KCNQ1: variants seen among roughly 807,000 people sequenced by gnomAD.
The protein encoded by KCNQ1 is potassium voltage-gated channel subfamily KQT member 1.
A neutral mutation model predicts 72.4 loss-of-function variants in KCNQ1; 49 were observed. That is an observed-to-expected ratio of 0.68 (90% CI 0.54 to 0.86). The LOEUF (loss-of-function observed/expected upper bound fraction) is 0.86. Among genes scored for constraint, KCNQ1 ranks in the 40% least tolerant of loss-of-function variants. The pLI, the probability that KCNQ1 is intolerant of heterozygous loss-of-function variation, is 0.00. For missense variants in KCNQ1, 790 were observed against 945.1 expected (o/e 0.84, Z 2.15); for synonymous variants, 450 against 412.6 (o/e 1.09, Z -1.10).
At position 2,549,570 on chromosome 11, in the gene KCNQ1, G is replaced by A. The variant is rs907504350; in HGVS notation, c.478-21058G>A. Among the ~76,000 whole-genome samples, 17 of 151,564 alleles carry A rather than the reference G, an allele frequency of 1.1e-4. No homozygotes were observed. Among genetic ancestry groups the A allele is most frequent in the Admixed American group, 3.9e-4 (6 of 15,254 alleles). ...TGGGCAGGTCCTGTTGTGGAGCCTC[G>A]TGACCTGCTCATAGCACAGCTGGGA... On this transcript the variant is annotated intron_variant, in intron 2 of 15. Transcript: ENST00000155840. The surrounding 1 kb of genome is among the most constrained non-coding windows in gnomAD (Gnocchi z 6.2).
At chr11:2,459,586 T>C (rs1362644964) in intron 1 of KCNQ1, among the ~76,000 whole-genome samples, 2 of 152,152 alleles carry the variant, frequency 1.3e-5, no homozygotes, top group East Asian at 3.9e-4. Flanking sequence ...TGACTTCCTC[T>C]AAGCCAACCG....
At chr11:2,589,366 G>A (rs1272504050) in intron 10 of KCNQ1, among the ~76,000 whole-genome samples, 4 of 152,182 alleles carry the variant, frequency 2.6e-5, no homozygotes, top group East Asian at 3.9e-4. Context: ...GGTGTGGCTC[G>A]GATCTGCGTC....
At chr11:2,644,034 C>T (rs1849624641) in intron 10 of KCNQ1, 2 of 398,360 alleles carry the variant, frequency 5.0e-6, no homozygotes, top group Non-Finnish European at 8.8e-6. Context: ...ATGATTCTCT[C>T]TTTGTCTTGG....
At chr11:2,534,484 GC>G (rs1162647031) in intron 2 of KCNQ1, among the ~76,000 whole-genome samples, 2 of 152,210 alleles carry the variant, frequency 1.3e-5, no homozygotes, top group Non-Finnish European at 2.9e-5. Context: ...TGCAGCTGCC[GC>G]CCGCTGAGGG....
At chr11:2,839,735 C>A (rs997163320) in intron 15 of KCNQ1, 2 of 151,684 alleles carry the variant, frequency 1.3e-5, no homozygotes, top group Non-Finnish European at 3.0e-5. Context: ...AAGAGGCCTT[C>A]TCCGGGTTCT....
At chr11:2,545,425 A>G (rs995735699) in intron 2 of KCNQ1, among the ~76,000 whole-genome samples, 2 of 152,166 alleles carry the variant, frequency 1.3e-5, no homozygotes, top group African/African-American at 4.8e-5. Context: ...TGATGAGAAG[A>G]TTGTTAACTA....
At position 2,497,719 on chromosome 11, in the gene KCNQ1, G is replaced by C. The variant is rs1043322572; in HGVS notation, c.387-30209G>C. 1.3e-5 allele frequency among the ~76,000 whole-genome samples: 2 copies of C among 152,184 alleles called. No homozygotes were observed. The highest frequency in any genetic ancestry group is 1.5e-5 in the Non-Finnish European group (1 of 68,024). ...AGTTTTGTGCCCTTGCTGGAGAGGA[G>C]ATGTGATCATTTGGAGGAGAAGAGG... On this transcript the variant is annotated intron_variant, in intron 1 of 15. Transcript: ENST00000155840. The surrounding 1 kb of genome is among the most constrained non-coding windows in gnomAD (Gnocchi z 4.5).
rs760714309 is a variant in KCNQ1 at position 2,678,576 on chromosome 11, G to T, written c.1514+16495G>T. On this transcript the variant is annotated intron_variant, in intron 11 of 15. Coordinates refer to ENST00000155840, the MANE Select transcript of KCNQ1 (RefSeq NM_000218.3). This position sits in a 1 kb window ranked among gnomAD's most constrained non-coding sequence, Gnocchi z 4.9. ...AGTTATTTTAATTATGTAACTTTAT[G>T]ATGCACTTATCTGTGTAGCAGGACT... 6 of 398,456 alleles carry T rather than the reference G, an allele frequency of 1.5e-5. No individual in the cohort carries two copies. Among genetic ancestry groups the T allele is most frequent in the Non-Finnish European group, 2.7e-5 (6 of 226,060 alleles). The allele number at this position is 398,456 out of a possible 1,614,324, so 24.7% of individuals were successfully genotyped here.
intron 1 of KCNQ1, among the ~76,000 whole-genome samples, chr11:2,456,693 G>A (rs565357956): frequency 7.3e-5 from 11 of 150,610 alleles, no homozygotes; most frequent in Admixed American, 6.6e-4. Flanking sequence ...AGGCCAAGGT[G>A]GGCAGATCAC....
chr11:2,462,052 T>C lies in KCNQ1; in HGVS notation c.386+16568T>C, dbSNP rs1846286472. 9.2e-6 allele frequency: 3 copies of C among 325,382 alleles called. No individual in the cohort carries two copies. The highest frequency in any genetic ancestry group is 4.0e-5 in the Admixed American group (1 of 25,210). The allele number at this position is 325,382 out of a possible 1,614,324, so 20.2% of individuals were successfully genotyped here. On this transcript the variant is annotated intron_variant, in intron 1 of 15. Transcript: ENST00000155840. The surrounding 1 kb of genome is among the most constrained non-coding windows in gnomAD (Gnocchi z 8.2). ...CTGCTCCTTCCGCCATCCCAGCAGC[T>C]GTCCAGAGATGAGACCCAGCCCCAC...
In KCNQ1 at chr11:2,808,897, G is replaced by A. The variant is rs923416715; in HGVS notation, c.1794+30860G>A. 1.3e-5 allele frequency among the ~76,000 whole-genome samples: 2 copies of A among 152,124 alleles called. No individual in the cohort carries two copies. The highest frequency in any genetic ancestry group is 2.9e-5 in the Non-Finnish European group (2 of 68,032). On this transcript the variant is annotated intron_variant, in intron 15 of 15. Transcript: ENST00000155840. The surrounding 1 kb of genome is among the most constrained non-coding windows in gnomAD (Gnocchi z 6.0). ...GGATGGATGAACACATGGACAATGG[G>A]TGGGTAGATGGGTGAATAGATGGGT...
rs1447090600 is a variant in KCNQ1 at position 2,550,949 on chromosome 11, ACT to A, written c.478-19676_478-19675del. 1.3e-5 allele frequency among the ~76,000 whole-genome samples: 2 copies of A among 151,816 alleles called. No homozygotes were observed. The highest frequency in any genetic ancestry group is 2.9e-5 in the Non-Finnish European group (2 of 67,928). On this transcript the variant is annotated intron_variant, in intron 2 of 15. Coordinates refer to ENST00000155840, the MANE Select transcript of KCNQ1 (RefSeq NM_000218.3). This position sits in a 1 kb window ranked among gnomAD's most constrained non-coding sequence, Gnocchi z 6.0. ...TGGGGTACAGCTGCTCCCAGGCCAG[ACT>A]CTGGTGGTAGCAGGAGGCAGGGGAG...
In KCNQ1 at chr11:2,486,573, T is replaced by C. The variant is rs2133620169; in HGVS notation, c.386+41089T>C. Among the ~76,000 whole-genome samples the C allele has an allele frequency of 1.3e-5, 2 of 152,336 alleles. No individual in the cohort carries two copies. Among genetic ancestry groups the C allele is most frequent in the East Asian group, 3.9e-4 (2 of 5,192 alleles). On this transcript the variant is annotated intron_variant, in intron 1 of 15. Coordinates refer to ENST00000155840, the MANE Select transcript of KCNQ1 (RefSeq NM_000218.3). The surrounding 1 kb of genome is among the most constrained non-coding windows in gnomAD (Gnocchi z 5.0). ...TGTGTTAGTCCATTTAGCATTGCTA[T>C]AAAGGAATACCTGAGGCTGGTAATT...
chr11:2,761,683 GC>G (rs1846398657), intron 11 of KCNQ1, among the ~76,000 whole-genome samples: 2 of 152,190 alleles, frequency 1.3e-5, no homozygotes, highest in African/African-American at 4.8e-5. Flanking sequence ...AGCAAGCCGG[GC>G]CCTTCTCTCT....
At chr11:2,571,235 C>T (rs907377703) in intron 3 of KCNQ1, 90 bp from the exon 4 acceptor site, 1 of 1,095,776 alleles carries the variant, frequency 9.1e-7, no homozygotes, top group Non-Finnish European at 1.4e-6. Context: ...CCAGCAAGCC[C>T]CTTCCCCAGA....
At position 2,767,876 on chromosome 11, in the gene KCNQ1, C is replaced by T. The variant is rs1438925286; in HGVS notation, c.1515-968C>T. On this transcript the variant is annotated intron_variant, in intron 11 of 15. Coordinates refer to ENST00000155840, the MANE Select transcript of KCNQ1 (RefSeq NM_000218.3). This position sits in a 1 kb window ranked among gnomAD's most constrained non-coding sequence, Gnocchi z 4.6. ...GTGGCTAGAGGACCAGAATCTTTTTCCCTCGTGTCCTGGCTGTCCTGTGGC... is the reference window on the plus strand; with the variant it reads ...GTGGCTAGAGGACCAGAATCTTTTTTCCTCGTGTCCTGGCTGTCCTGTGGC... 1.3e-5 allele frequency among the ~76,000 whole-genome samples: 2 copies of T among 152,220 alleles called. No individual in the cohort carries two copies. The highest frequency in any genetic ancestry group is 2.9e-5 in the Non-Finnish European group (2 of 68,038).
chr11:2,714,845 C>G (rs1428036481), intron 11 of KCNQ1, among the ~76,000 whole-genome samples: 2 of 152,030 alleles, frequency 1.3e-5, no homozygotes, highest in African/African-American at 2.4e-5. Context: ...GACAGAGGTG[C>G]CTTTCAGAAA....
At chr11:2,811,438 G>A (rs552523977) in intron 15 of KCNQ1, among the ~76,000 whole-genome samples, 50 of 152,374 alleles carry the variant, frequency 3.3e-4, no homozygotes, top group African/African-American at 1.2e-3. Context: ...CAAGTCCATG[G>A]GCCTGCACGC....
In KCNQ1 at chr11:2,626,158, T is replaced by C. The variant is rs759519103; in HGVS notation, c.1394-35803T>C. 4.5e-5 allele frequency: 18 copies of C among 397,294 alleles called. No individual in the cohort carries two copies. Among genetic ancestry groups the C allele is most frequent in the Non-Finnish European group, 5.8e-5 (13 of 226,058 alleles). 24.6% of individuals were successfully genotyped at this position (397,294 alleles called of 1,614,324 possible). A position where few individuals can be genotyped will look rare whatever the true frequency, so the allele number is the denominator to read the frequency against. ...AGCACTGCCAATGATGTAAAGTTTT[T>C]CCCCTATGTTTCCTTATAAGACTTC... On this transcript the variant is annotated intron_variant, in intron 10 of 15. Transcript: ENST00000155840. The surrounding 1 kb of genome is among the most constrained non-coding windows in gnomAD (Gnocchi z 4.0).
Sources: allele counts gnomAD v4.1 joint callset (sites outside exome capture counted in the v4.1 genomes callset), GRCh38; gene constraint gnomAD v4.1.1; non-coding constraint Gnocchi (gnomAD v3.1); transcripts MANE v1.5; gene names NCBI Gene and HGNC (gene_info 2026-07-23, HGNC 2026-07-21).